ATF7: variants seen among roughly 807,000 people sequenced by gnomAD.
The protein encoded by ATF7 is cyclic AMP-dependent transcription factor ATF-7.
ATF7 carries 10 observed loss-of-function variants against 50.4 expected under a neutral mutation model. That is an observed-to-expected ratio of 0.20 (90% CI 0.12 to 0.34). The LOEUF (loss-of-function observed/expected upper bound fraction) is 0.34. Among genes scored for constraint, ATF7 ranks in the 10% least tolerant of loss-of-function variants. The probability of loss-of-function intolerance (pLI) is 1.00; values close to 1 mark genes in which losing one functional copy is unlikely to be tolerated. For synonymous variants in ATF7, 201 were observed against 226.4 expected (o/e 0.89, Z 1.01); for missense variants, 465 against 613.9 (o/e 0.76, Z 2.56).
At chr12:53,550,675 C>T (rs1329896616) in intron 3 of ATF7, among the ~76,000 whole-genome samples, 1 of 152,170 alleles carries the variant, frequency 6.6e-6, no homozygotes, top group Non-Finnish European at 1.5e-5. Flanking sequence ...AGGTTAAGTT[C>T]AGTCATTGAC....
intron 3 of ATF7, among the ~76,000 whole-genome samples, chr12:53,546,804 C>T (rs1939951054): frequency 1.3e-5 from 2 of 151,504 alleles, no homozygotes; most frequent in Non-Finnish European, 2.9e-5. Context: ...GCCACCCAGG[C>T]GGGAGAGCAG....
intron 2 of ATF7, among the ~76,000 whole-genome samples, chr12:53,592,664 C>T (rs1942995778): frequency 6.6e-6 from 1 of 151,844 alleles, no homozygotes; most frequent in African/African-American, 2.4e-5. Context: ...CTTATGATAG[C>T]AAACAAAGAA....
At chr12:53,591,581 CAG>C (rs1486469207) in intron 2 of ATF7, among the ~76,000 whole-genome samples, 1 of 152,196 alleles carries the variant, frequency 6.6e-6, no homozygotes, top group Non-Finnish European at 1.5e-5. Context: ...GCTAAGGAAT[CAG>C]AGCTTGTCAT....
At chr12:53,611,314 C>G (rs11170611) in intron 1 of ATF7, among the ~76,000 whole-genome samples, 24,742 of 151,914 alleles carry the variant, frequency 0.16, 2,048 homozygotes, top group East Asian at 0.19. Context: ...ACCAAAAATA[C>G]AAAAATTAGC....
intron 9 of ATF7, among the ~76,000 whole-genome samples, chr12:53,527,204 C>T (rs1938533385): frequency 6.6e-6 from 1 of 151,546 alleles, no homozygotes; most frequent in Non-Finnish European, 1.5e-5. Context: ...ACATGTGAGG[C>T]CAGGCGCAGT....
chr12:53,552,330 A>G (rs1940421526), intron 3 of ATF7, among the ~76,000 whole-genome samples: 1 of 152,192 alleles, frequency 6.6e-6, no homozygotes, highest in South Asian at 2.1e-4. Context: ...ACCTTCAAAA[A>G]CCACAGAACA....
At chr12:53,616,743 G>C (rs1286136551) in intron 1 of ATF7, among the ~76,000 whole-genome samples, 2 of 150,666 alleles carry the variant, frequency 1.3e-5, no homozygotes, top group African/African-American at 4.9e-5. Context: ...AGGAGTTCGA[G>C]ACCAGCCTGG....
chr12:53,558,318 A>G (rs1940873989), intron 2 of ATF7, among the ~76,000 whole-genome samples: 1 of 152,268 alleles, frequency 6.6e-6, no homozygotes, highest in African/African-American at 2.4e-5. Context: ...ACAGCCTCCC[A>G]AAACAAAGAA....
At chr12:53,522,961 G>A (rs1206529527) in intron 11 of ATF7, among the ~76,000 whole-genome samples, 1 of 152,240 alleles carries the variant, frequency 6.6e-6, no homozygotes, top group East Asian at 1.9e-4. Context: ...AGTGCAGAGT[G>A]CAGTTTTCTC....
In ATF7 at chr12:53,581,285, G is replaced by A. The variant is rs1024438325; in HGVS notation, c.48+19668C>T. ...TAACACCCCTCTATCAGAAATGGAC[G>A]TATCCAGCAGGCAGAAAATCAGTAA... On this transcript the variant is annotated intron_variant, in intron 2 of 11. Transcript: ENST00000420353. Among the ~76,000 whole-genome samples, 6 of 152,086 alleles carry A rather than the reference G, an allele frequency of 3.9e-5. No individual in the cohort carries two copies. The South Asian group carries it at 8.3e-4, about 21-fold the overall frequency.
At chr12:53,557,890 A>G (rs1433789151) in intron 2 of ATF7, among the ~76,000 whole-genome samples, 1 of 152,258 alleles carries the variant, frequency 6.6e-6, no homozygotes, top group Non-Finnish European at 1.5e-5. Flanking sequence ...TGTTGATTAC[A>G]TGTCAAAATG....
chr12:53,566,257 G>A (rs1269707058), intron 2 of ATF7, among the ~76,000 whole-genome samples: 2 of 152,144 alleles, frequency 1.3e-5, no homozygotes, highest in South Asian at 2.1e-4. Flanking sequence ...TTAATGCCTT[G>A]TATAACTGGA....
At position 53,620,575 on chromosome 12, in the gene ATF7, C is replaced by CAA. The variant is rs34516346; in HGVS notation, c.-22+5702_-22+5703dup. Among the ~76,000 whole-genome samples, 199 of 75,556 alleles carry CAA rather than the reference C, an allele frequency of 2.6e-3. 1 individual carries two copies. Among genetic ancestry groups the CAA allele is most frequent in the East Asian group, 4.6e-3 (10 of 2,176 alleles). 49.6% of individuals were successfully genotyped at this position (75,556 alleles called of 152,430 possible). A position where few individuals can be genotyped will look rare whatever the true frequency, so the allele number is the denominator to read the frequency against. ...TGGGCGACAGAGCGAGACTCCGTCT[C>CAA]AAAAAAAAAAAAAAAAAAAAAAATA... On this transcript the variant is annotated intron_variant, in intron 1 of 11. Transcript: ENST00000420353.
At chr12:53,548,949 C>T (rs554986852) in intron 3 of ATF7, among the ~76,000 whole-genome samples, 2 of 152,212 alleles carry the variant, frequency 1.3e-5, no homozygotes, top group African/African-American at 4.8e-5. Context: ...TGTGCCACTG[C>T]ACTCCAGCCT....
intron 2 of ATF7, among the ~76,000 whole-genome samples, chr12:53,573,955 C>T (rs1424200077): frequency 6.6e-6 from 1 of 152,246 alleles, no homozygotes; most frequent in Non-Finnish European, 1.5e-5. Flanking sequence ...GACAGTAGAA[C>T]ACTTCCAGTT....
intron 1 of ATF7, among the ~76,000 whole-genome samples, chr12:53,602,831 GAACTAC>G (rs985925299): frequency 2.4e-4 from 37 of 152,100 alleles, no homozygotes; most frequent in African/African-American, 8.4e-4. Flanking sequence ...GCACTTTCGG[GAACTAC>G]AACATGCTAC....
rs533759595 is a variant in ATF7, at chr12:53,571,262, T to G, written c.49-18625A>C. On this transcript the variant is annotated intron_variant, in intron 2 of 11. Transcript: ENST00000420353. ...CTTCTCAGGAGGATACGGTCCTCTT[T>G]AATATCTTGGTGGGCTTTTGGTCTC... 6.6e-5 allele frequency among the ~76,000 whole-genome samples: 10 copies of G among 152,266 alleles called. No individual in the cohort carries two copies. In the South Asian group the frequency reaches 2.1e-3, roughly 32 times the overall value.
At chr12:53,547,283 CTTTT>C (rs34610513) in intron 3 of ATF7, among the ~76,000 whole-genome samples, 1 of 62,540 alleles carries the variant, frequency 1.6e-5, no homozygotes, top group African/African-American at 6.4e-5. Flanking sequence ...CGTGCCCAGC[CTTTT>C]TTTTTTTTTT....
At chr12:53,519,037 G>C (rs1937922070) in intron 11 of ATF7, among the ~76,000 whole-genome samples, 1 of 149,368 alleles carries the variant, frequency 6.7e-6, no homozygotes, top group Non-Finnish European at 1.5e-5. Context: ...CTGGGCAACA[G>C]AGCGAGACTC....
Sources: allele counts gnomAD v4.1 joint callset (sites outside exome capture counted in the v4.1 genomes callset), GRCh38; gene constraint gnomAD v4.1.1; transcripts MANE v1.5; gene names NCBI Gene and HGNC (gene_info 2026-07-23, HGNC 2026-07-21).